Variants in PDE7B observed in about 807,000 individuals in gnomAD.
PDE7B encodes phosphodiesterase 7B, also known as 3',5'-cyclic-AMP phosphodiesterase 7B.
PDE7B carries 29 observed loss-of-function variants against 56.2 expected under a neutral mutation model. That is an observed-to-expected ratio of 0.52 (90% CI 0.38 to 0.70). PDE7B has a LOEUF of 0.70. PDE7B is among the 30% of genes least tolerant of loss of function. The pLI, the probability that PDE7B is intolerant of heterozygous loss-of-function variation, is 0.00. For synonymous variants in PDE7B, 197 were observed against 196.9 expected (o/e 1.00, Z 0.00); for missense variants, 490 against 565.0 (o/e 0.87, Z 1.35).
chr6:135,935,001 ATATT>A (rs1038737854), intron 1 of PDE7B, among the ~76,000 whole-genome samples: 7 of 56,628 alleles, frequency 1.2e-4, no homozygotes, highest in African/African-American at 3.8e-4. Context: ...GATGAAGTAT[ATATT>A]TATATATAAA....
intron 11 of PDE7B, among the ~76,000 whole-genome samples, chr6:136,183,072 C>CAAAAAAAAAAAAA (rs869296450): frequency 9.9e-5 from 5 of 50,528 alleles, no homozygotes; most frequent in African/African-American, 3.5e-4. Flanking sequence ...ACTCCGTCTC[C>CAAAAAAAAAAAAA]AAAAAAAAAA....
chr6:136,020,475 C>G (rs1776053489), intron 2 of PDE7B, among the ~76,000 whole-genome samples: 1 of 151,984 alleles, frequency 6.6e-6, no homozygotes, highest in Non-Finnish European at 1.5e-5. Context: ...TATAATATAG[C>G]CTTTAAATAT....
At chr6:136,078,073 G>A (rs1369710844) in intron 2 of PDE7B, among the ~76,000 whole-genome samples, 1 of 152,180 alleles carries the variant, frequency 6.6e-6, no homozygotes, top group African/African-American at 2.4e-5. Context: ...GATGCCAAGT[G>A]ATAAATCGAG....
intron 2 of PDE7B, among the ~76,000 whole-genome samples, chr6:135,960,319 G>A (rs1024408680): frequency 1.3e-5 from 2 of 152,154 alleles, no homozygotes; most frequent in Admixed American, 1.3e-4. Context: ...AACAAAACAT[G>A]TGACTGCCAT....
intron 1 of PDE7B, among the ~76,000 whole-genome samples, chr6:135,901,318 T>A (rs575159316): frequency 6.6e-6 from 1 of 152,208 alleles, no homozygotes; most frequent in Non-Finnish European, 1.5e-5. Flanking sequence ...ATATGATTCA[T>A]CTATTCACTA....
chr6:136,122,073 G>T (rs977468354), intron 3 of PDE7B, among the ~76,000 whole-genome samples: 4 of 151,868 alleles, frequency 2.6e-5, no homozygotes, highest in African/African-American at 9.7e-5. Flanking sequence ...TTGGCTCACT[G>T]CAAGCTCCGC....
At chr6:135,944,868 G>A (rs1316982609) in intron 1 of PDE7B, among the ~76,000 whole-genome samples, 1 of 152,140 alleles carries the variant, frequency 6.6e-6, no homozygotes, top group Non-Finnish European at 1.5e-5. Context: ...TGCAAGGAAA[G>A]TAGAAAAGCT....
In PDE7B at chr6:136,178,977, T is replaced by C. The variant is rs747856052; in HGVS notation, c.804-20T>C. The C allele has an allele frequency of 2.5e-6, 4 of 1,613,636 alleles. No individual in the cohort carries two copies. The highest frequency in any genetic ancestry group is 3.4e-6 in the Non-Finnish European group (4 of 1,179,704). On this transcript the variant is annotated intron_variant, in intron 9 of 12. Transcript: ENST00000308191. ...GATTTGCTTTGTGTGTGTTTTTCTC[T>C]TTCATTCTTGTGGATGCAGACAGGA...
At chr6:136,019,214 C>G (rs4543383) in intron 2 of PDE7B, among the ~76,000 whole-genome samples, 23,067 of 151,904 alleles carry the variant, frequency 0.15, 3,824 homozygotes, top group African/African-American at 0.41. Context: ...GATTAATAAA[C>G]TTAAGGGCCG....
intron 2 of PDE7B, among the ~76,000 whole-genome samples, chr6:136,080,477 A>G (rs1428240163): frequency 6.6e-6 from 1 of 152,208 alleles, no homozygotes; most frequent in Non-Finnish European, 1.5e-5. Context: ...TATGAGAAAA[A>G]GAAACTAACA....
chr6:135,906,058 C>T (rs1776095733), intron 1 of PDE7B, among the ~76,000 whole-genome samples: 1 of 152,150 alleles, frequency 6.6e-6, no homozygotes, highest in Non-Finnish European at 1.5e-5. Flanking sequence ...AAAGTACAAC[C>T]TTCTCTTTCT....
intron 1 of PDE7B, among the ~76,000 whole-genome samples, chr6:135,914,035 G>C (rs1776254896): frequency 6.6e-6 from 1 of 152,102 alleles, no homozygotes; most frequent in African/African-American, 2.4e-5. Context: ...TGGCCTCACT[G>C]GCACAGGGTT....
intron 2 of PDE7B, among the ~76,000 whole-genome samples, chr6:136,064,036 A>G (rs960310207): frequency 4.6e-5 from 7 of 152,118 alleles, no homozygotes; most frequent in African/African-American, 1.7e-4. Context: ...ATTCTTTTTA[A>G]TGCAATGTGT....
chr6:136,186,067 CA>C (rs201878209), intron 11 of PDE7B, among the ~76,000 whole-genome samples: 6 of 148,830 alleles, frequency 4.0e-5, no homozygotes, highest in Non-Finnish European at 7.4e-5. Flanking sequence ...AAAGTAAGGG[CA>C]AAAAAAACAC....
intron 3 of PDE7B, among the ~76,000 whole-genome samples, chr6:136,146,961 G>A (rs1481209522): frequency 6.6e-6 from 1 of 152,006 alleles, no homozygotes; most frequent in African/African-American, 2.4e-5. Context: ...GGGCAACATG[G>A]CAAAAACTTG....
chr6:136,180,872 A>C (rs1023182395), intron 10 of PDE7B, among the ~76,000 whole-genome samples: 1 of 152,150 alleles, frequency 6.6e-6, no homozygotes, highest in African/African-American at 2.4e-5. Flanking sequence ...AGATGACCTC[A>C]CTTGAGCCTG....
chr6:135,982,082 AC>A (rs1326738896), intron 2 of PDE7B, among the ~76,000 whole-genome samples: 1 of 152,114 alleles, frequency 6.6e-6, no homozygotes, highest in Non-Finnish European at 1.5e-5. Flanking sequence ...ACGGTCTTAC[AC>A]AGCACATGAC....
intron 2 of PDE7B, among the ~76,000 whole-genome samples, chr6:136,031,693 C>T (rs1776249266): frequency 6.7e-6 from 1 of 148,302 alleles, no homozygotes; most frequent in African/African-American, 2.5e-5. Context: ...GAGCCGAGAT[C>T]CCGCCACTGC....
At chr6:135,880,932 C>A (rs1775596602) in intron 1 of PDE7B, among the ~76,000 whole-genome samples, 1 of 151,998 alleles carries the variant, frequency 6.6e-6, no homozygotes, top group African/African-American at 2.4e-5. Context: ...AGTTCTAATC[C>A]CAGAGATGCT....
Sources: allele counts gnomAD v4.1 joint callset (sites outside exome capture counted in the v4.1 genomes callset), GRCh38; gene constraint gnomAD v4.1.1; transcripts MANE v1.5; gene names NCBI Gene and HGNC (gene_info 2026-07-23, HGNC 2026-07-21).